The following HAL variants were observed in gnomAD, a reference collection of about 807,000 sequenced individuals.
HAL encodes histidine ammonia-lyase.
A neutral mutation model predicts 81.1 loss-of-function variants in HAL; 85 were observed. The observed-to-expected ratio is 1.05, with a 90% confidence interval of 0.88 to 1.25. HAL has a LOEUF of 1.25. Ranked by LOEUF, HAL falls within the 50% of genes most tolerant of loss-of-function variation. The pLI, the probability that HAL is intolerant of heterozygous loss-of-function variation, is 0.00. For missense variants in HAL, 798 were observed against 836.6 expected (o/e 0.95, Z 0.57); for synonymous variants, 301 against 309.2 (o/e 0.97, Z 0.28).
intron 15 of HAL, among the ~76,000 whole-genome samples, chr12:95,981,172 A>G (rs1159439216): frequency 8.3e-6 from 1 of 121,002 alleles, no homozygotes; most frequent in Non-Finnish European, 1.7e-5. Flanking sequence ...TGCCCTCAAA[A>G]GGTTTATAGC....
At chr12:95,987,632 A>G (rs1949910383) in intron 11 of HAL, among the ~76,000 whole-genome samples, 1 of 152,240 alleles carries the variant, frequency 6.6e-6, no homozygotes. Context: ...GAGAACATCT[A>G]TCTCTCAGAG....
At chr12:95,974,717 G>C (rs952748079) in intron 20 of HAL, among the ~76,000 whole-genome samples, 16 of 149,530 alleles carry the variant, frequency 1.1e-4, no homozygotes, top group East Asian at 5.9e-4. Flanking sequence ...CAGTACCTAT[G>C]TGGTTTTTTT....
At chr12:95,992,858 C>A in intron 8 of HAL, 53 bp from the exon 9 acceptor site, 1 of 1,501,028 alleles carries the variant, frequency 6.7e-7, no homozygotes, top group Non-Finnish European at 9.1e-7. Context: ...CTTTTTGTCT[C>A]CTGACAATTG....
At chr12:95,977,642 CAAAAAAAA>C (rs60410496) in intron 18 of HAL, among the ~76,000 whole-genome samples, 10 of 99,912 alleles carry the variant, frequency 1.0e-4, no homozygotes, top group African/African-American at 3.8e-4. Flanking sequence ...GATCCTGCCT[CAAAAAAAA>C]AAAAAAAAAA....
intron 7 of HAL, 62 bp from the exon 8 acceptor site, chr12:95,993,550 G>A (rs76340566): frequency 0.04 from 45,675 of 1,137,716 alleles, 1,108 homozygotes; most frequent in Non-Finnish European, 0.045. Flanking sequence ...TCCCTCAGCT[G>A]GGAAAATGAA....
intron 20 of HAL, 48 bp from the exon 21 acceptor site, chr12:95,974,420 C>T (rs1565983310): frequency 1.3e-6 from 2 of 1,568,646 alleles, no homozygotes; most frequent in African/African-American, 1.3e-5. Flanking sequence ...GACATTGTTT[C>T]CACATGCTAT....
intron 2 of HAL, 29 bp downstream of exon 2, chr12:95,995,635 G>T: frequency 1.2e-6 from 2 of 1,611,504 alleles, no homozygotes; most frequent in Non-Finnish European, 8.5e-7. Context: ...AACCGCACCC[G>T]TTCGCGGCCC....
chr12:95,980,975 T>A (rs762709772), intron 15 of HAL, 112 bp from the exon 16 acceptor site: 118 of 768,900 alleles, frequency 1.5e-4, no homozygotes, highest in Non-Finnish European at 2.5e-4. Context: ...AAATGTGGGG[T>A]GGAGGGAAAG....
Position 95,973,090 on chromosome 12 carries a change from T to TTAGG in HAL, c.*1138_*1141dup, listed in dbSNP as rs1482279210. Reference sequence around the variant, plus strand: ...CTGTTCGGCCCATTTTAGATGGCAATTAGGTAGGCAAGGTGGCAAGTGTGT... The same window carrying TTAGG: ...CTGTTCGGCCCATTTTAGATGGCAATTAGGTAGGTAGGCAAGGTGGCAAGTGTGT... On this transcript the variant is annotated 3_prime_UTR_variant, in exon 21 of 21. Coordinates refer to ENST00000261208, the MANE Select transcript of HAL (RefSeq NM_002108.4). 3.9e-5 allele frequency: 6 copies of TTAGG among 152,158 alleles called. No individual in the cohort carries two copies. Among genetic ancestry groups the TTAGG allele is most frequent in the Non-Finnish European group, 5.9e-5 (4 of 68,026 alleles). The allele number at this position is 152,158 out of a possible 1,614,324, so 9.4% of individuals were successfully genotyped here.
chr12:95,977,813 G>A, intron 18 of HAL, 131 bp downstream of exon 18: 3 of 918,166 alleles, frequency 3.3e-6, no homozygotes, highest in Non-Finnish European at 5.3e-6. Flanking sequence ...AGCCTGCAAG[G>A]AGGCCTGAGA....
intron 18 of HAL, among the ~76,000 whole-genome samples, chr12:95,977,348 T>C (rs2080733086): frequency 6.6e-6 from 1 of 151,754 alleles, no homozygotes; most frequent in African/African-American, 2.4e-5. Context: ...TTCATGGTAC[T>C]CTTCTCTCCA....
Position 95,980,724 on chromosome 12 carries a change from G to A in HAL, c.1354-3C>T. 1 of 1,613,094 alleles carries A rather than the reference G, an allele frequency of 6.2e-7. No individual in the cohort carries two copies. Among genetic ancestry groups the A allele is most frequent in the South Asian group, 1.1e-5 (1 of 91,066 alleles). On this transcript the variant is annotated splice_polypyrimidine_tract_variant and splice_region_variant and intron_variant, in intron 16 of 20. Transcript: ENST00000261208. ...CCAATGGCCAAGTAGTCTAGGGCCTGAAAGAGGGTCTCCATTTAGTCAGCC... is the reference window on the plus strand; with the variant it reads ...CCAATGGCCAAGTAGTCTAGGGCCTAAAAGAGGGTCTCCATTTAGTCAGCC...
In HAL at chr12:95,974,366, C is replaced by A. The variant is rs142634377; in HGVS notation, c.1840G>T (p.Glu614Ter). The A allele has an allele frequency of 1.2e-6, 2 of 1,613,648 alleles. No homozygotes were observed. Among genetic ancestry groups the A allele is most frequent in the Non-Finnish European group, 1.7e-6 (2 of 1,179,558 alleles). ...TTTTCAATGTATGGAGCAGCTACTTCCCAAACCTGAAAAGCAAGGACAAAA... is the reference window on the plus strand; with the variant it reads ...TTTTCAATGTATGGAGCAGCTACTTACCAAACCTGAAAAGCAAGGACAAAA... ...HRLLLEQKVW[E>*]VAAPYIEKYR... is the part of the protein sequence containing the mutation. Residue 614 changes from glutamate (E) to a stop codon, truncating the protein, a stop_gained, in exon 21 of 21, where the codon GAA (glutamate) becomes TAA (stop). Transcript: ENST00000261208. LOFTEE classifies it high-confidence loss of function.
intron 4 of HAL, 63 bp from the exon 5 acceptor site, chr12:95,994,227 A>T: frequency 1.9e-6 from 2 of 1,047,718 alleles, no homozygotes; most frequent in Non-Finnish European, 3.0e-6. Context: ...CAGAGTAGGG[A>T]CACCTCCAAC....
chr12:95,993,794 C>G lies in HAL; in HGVS notation c.529G>C (p.Val177Leu). The G allele has an allele frequency of 6.4e-7, 1 of 1,566,822 alleles. No individual in the cohort carries two copies. Among genetic ancestry groups the G allele is most frequent in the Non-Finnish European group, 8.8e-7 (1 of 1,137,030 alleles). ...TACTGTAGCTTATTGATAGGAATTA[C>G]AGTTCTGGCAAATTTCCCAAAACCT... ...TTGFGKFART[V>L]IPINKLQELQ... The change falls in exon 7 of 21, where the codon GTA (valine) becomes CTA (leucine). Residue 177 changes from valine (V) to leucine (L), a missense_variant. Transcript: ENST00000261208.
intron 2 of HAL, 163 bp from the exon 3 acceptor site, chr12:95,995,156 G>A: frequency 2.9e-6 from 2 of 681,934 alleles, no homozygotes; most frequent in Admixed American, 2.2e-5. Context: ...TTATGTAGGA[G>A]GAGAGCAAAA....
chr12:95,981,101 T>C (rs1270721860), intron 15 of HAL, among the ~76,000 whole-genome samples: 1 of 152,206 alleles, frequency 6.6e-6, no homozygotes, highest in Non-Finnish European at 1.5e-5. Flanking sequence ...CTTGAAATGA[T>C]GTTTTCTCTT....
In HAL at chr12:95,994,938, A is replaced by C; in HGVS notation, c.303T>G (p.Val101=). The C allele has an allele frequency of 6.2e-7, 1 of 1,612,610 alleles. No individual in the cohort carries two copies. Among genetic ancestry groups the C allele is most frequent in the Non-Finnish European group, 8.5e-7 (1 of 1,178,640 alleles). The part of the protein sequence containing the change: ...PDFIPSQPEG[V]YLYSKYREPE... ...GAGCCTGTGGGAAAGGATACAGATA[A>C]ACTCCTTCTGGTTGAGATGGAATGA... Residue 101 remains valine (V), a synonymous_variant, in exon 3 of 21, where the codon GTT becomes GTG. Coordinates refer to ENST00000261208, the MANE Select transcript of HAL (RefSeq NM_002108.4).
In HAL at chr12:95,987,933, C is replaced by A. The variant is rs1408400345; in HGVS notation, c.903+260G>T. Reference sequence around the variant, plus strand: ...GGTAGAGATGGGTTTCACCATGTTGCCCAGGCTGGTCTCAAACTCCTGAGC... The same window carrying A: ...GGTAGAGATGGGTTTCACCATGTTGACCAGGCTGGTCTCAAACTCCTGAGC... On this transcript the variant is annotated intron_variant, in intron 11 of 20. Coordinates refer to ENST00000261208, the MANE Select transcript of HAL (RefSeq NM_002108.4). Among the ~76,000 whole-genome samples the A allele has an allele frequency of 6.6e-5, 10 of 151,826 alleles. No homozygotes were observed. The East Asian group carries it at 1.8e-3, about 27-fold the overall frequency.
Sources: allele counts gnomAD v4.1 joint callset (sites outside exome capture counted in the v4.1 genomes callset), GRCh38; gene constraint gnomAD v4.1.1; transcripts MANE v1.5; gene names NCBI Gene and HGNC (gene_info 2026-07-23, HGNC 2026-07-21).